The following DCC variants were observed in gnomAD, a reference collection of about 807,000 sequenced individuals.
The protein encoded by DCC is DCC netrin 1 receptor.
A neutral mutation model predicts 172.5 loss-of-function variants in DCC; 58 were observed. The ratio of observed to expected loss-of-function variants is 0.34; its 90% CI spans 0.27 to 0.42. DCC has a LOEUF of 0.42. Among genes scored for constraint, DCC ranks in the 10% least tolerant of loss-of-function variants. DCC has a pLI of 1.00. For synonymous variants in DCC, 709 were observed against 644.5 expected, an observed-to-expected ratio of 1.10 and a Z score of -1.52; for missense variants, 1,740 against 1,791.0, an observed-to-expected ratio of 0.97 and a Z score of 0.51.
chr18:53,264,690 G>A (rs537704776), intron 12 of DCC, among the ~76,000 whole-genome samples: 11 of 151,928 alleles, frequency 7.2e-5, no homozygotes, highest in East Asian at 1.9e-4. Flanking sequence ...CAGACCTGCT[G>A]CTCAGCGTTT....
intron 1 of DCC, among the ~76,000 whole-genome samples, chr18:52,371,167 A>G (rs1369210874): frequency 6.7e-6 from 1 of 149,614 alleles, no homozygotes; most frequent in Non-Finnish European, 1.5e-5. Context: ...AAAAAAAAAA[A>G]TCATACTAGT....
chr18:52,579,746 G>A (rs1475459062), intron 1 of DCC, among the ~76,000 whole-genome samples: 1 of 152,132 alleles, frequency 6.6e-6, no homozygotes, highest in East Asian at 1.9e-4. Context: ...ATCTGGAATT[G>A]TCATGAGTCA....
At chr18:52,415,707 T>C (rs1359945652) in intron 1 of DCC, among the ~76,000 whole-genome samples, 1 of 152,124 alleles carries the variant, frequency 6.6e-6, no homozygotes, top group Non-Finnish European at 1.5e-5. Context: ...GGGAACAGCT[T>C]TTTGAAACGT....
chr18:53,118,468 C>G (rs974779453), intron 7 of DCC, among the ~76,000 whole-genome samples: 1 of 151,704 alleles, frequency 6.6e-6, no homozygotes, highest in Non-Finnish European at 1.5e-5. Flanking sequence ...ATGTAGGTTG[C>G]TTTCACTTGT....
At chr18:52,372,511 A>G (rs1001315523) in intron 1 of DCC, among the ~76,000 whole-genome samples, 1 of 152,094 alleles carries the variant, frequency 6.6e-6, no homozygotes, top group Admixed American at 6.6e-5. Context: ...AATTAGAGCT[A>G]TTTTCTAGTG....
intron 5 of DCC, among the ~76,000 whole-genome samples, chr18:52,988,567 AAATT>A (rs889111575): frequency 6.6e-6 from 1 of 152,148 alleles, no homozygotes; most frequent in Non-Finnish European, 1.5e-5. Context: ...AATCTATAAT[AAATT>A]AAGACTCCAT....
intron 27 of DCC, among the ~76,000 whole-genome samples, chr18:53,505,031 G>A (rs1429871274): frequency 6.6e-6 from 1 of 152,080 alleles, no homozygotes; most frequent in Non-Finnish European, 1.5e-5. Context: ...CCCCCTAAAA[G>A]GGGTCTTCTA....
At chr18:52,654,333 A>G (rs1242257131) in intron 1 of DCC, among the ~76,000 whole-genome samples, 1 of 152,180 alleles carries the variant, frequency 6.6e-6, no homozygotes, top group Non-Finnish European at 1.5e-5. Flanking sequence ...GACCATTACC[A>G]TTGAACAAGA....
chr18:53,261,779 G>T (rs571066016), intron 12 of DCC, among the ~76,000 whole-genome samples: 58 of 152,100 alleles, frequency 3.8e-4, no homozygotes, highest in Admixed American at 2.9e-3. Flanking sequence ...GATTACAAGC[G>T]TGAGCCACTG....
chr18:53,198,241 A>G (rs1255950922), intron 9 of DCC, among the ~76,000 whole-genome samples: 6 of 152,154 alleles, frequency 3.9e-5, no homozygotes, highest in Admixed American at 3.3e-4. Context: ...CTCAGATACA[A>G]TGATAGAAGC....
intron 5 of DCC, among the ~76,000 whole-genome samples, chr18:53,028,586 TATAACTTCTTA>T (rs1161649273): frequency 6.6e-6 from 1 of 152,228 alleles, no homozygotes; most frequent in Non-Finnish European, 1.5e-5. Flanking sequence ...TTAATTCTTT[TATAACTTCTTA>T]ACCTAATAGT....
chr18:53,415,495 A>T (rs1406856084), intron 20 of DCC, among the ~76,000 whole-genome samples: 1 of 152,296 alleles, frequency 6.6e-6, no homozygotes, highest in African/African-American at 2.4e-5. Context: ...TTAGCAGAAA[A>T]AAAAAGTCAT....
chr18:52,760,603 G>A (rs1173657341), intron 2 of DCC, among the ~76,000 whole-genome samples: 1 of 152,132 alleles, frequency 6.6e-6, no homozygotes, highest in African/African-American at 2.4e-5. Context: ...ACATTAGATA[G>A]CACAGTTATA....
chr18:53,215,291 C>G (rs1293133251), intron 11 of DCC, among the ~76,000 whole-genome samples: 2 of 151,966 alleles, frequency 1.3e-5, no homozygotes, highest in South Asian at 2.1e-4. Context: ...GTATCACTGC[C>G]CGCGTTCTCT....
chr18:52,990,332 G>A (rs1351223912), intron 5 of DCC, among the ~76,000 whole-genome samples: 1 of 152,044 alleles, frequency 6.6e-6, no homozygotes, highest in Admixed American at 6.6e-5. Flanking sequence ...CCTGAGGTCA[G>A]GAGTTTGAGA....
At chr18:53,504,516 G>C (rs1568173707) in intron 27 of DCC, among the ~76,000 whole-genome samples, 1 of 152,162 alleles carries the variant, frequency 6.6e-6, no homozygotes, top group Non-Finnish European at 1.5e-5. Context: ...TATCGGTGTG[G>C]CTTTTTGGTA....
At chr18:52,484,697 C>G (rs1268494443) in intron 1 of DCC, among the ~76,000 whole-genome samples, 2 of 151,614 alleles carry the variant, frequency 1.3e-5, no homozygotes, top group African/African-American at 4.8e-5. Context: ...AGATTGCTAC[C>G]AAGAGCAAAA....
chr18:52,875,093 G>A (rs1320302292), intron 2 of DCC, among the ~76,000 whole-genome samples: 5 of 152,038 alleles, frequency 3.3e-5, no homozygotes, highest in Admixed American at 2.0e-4. Context: ...GTACATCAAC[G>A]CAATGTTCCA....
chr18:53,205,422 T>C, intron 10 of DCC, 58 bp downstream of exon 10: 5 of 1,559,410 alleles, frequency 3.2e-6, no homozygotes, highest in Non-Finnish European at 4.4e-6. Context: ...ATCCATTGGA[T>C]AGCTCTAGGG....
Sources: allele counts gnomAD v4.1 joint callset (sites outside exome capture counted in the v4.1 genomes callset), GRCh38; gene constraint gnomAD v4.1.1; transcripts MANE v1.5; gene names NCBI Gene and HGNC (gene_info 2026-07-23, HGNC 2026-07-21).